Variants in L3MBTL4 observed in about 807,000 individuals in gnomAD.
L3MBTL4 encodes the protein L3MBTL histone methyl-lysine binding protein 4, also known as lethal(3)malignant brain tumor-like protein 4.
A neutral mutation model predicts 84.5 loss-of-function variants in L3MBTL4; 70 were observed. The observed-to-expected ratio is 0.83, with a 90% CI of 0.68 to 1.01. The LOEUF is 1.01. Among genes scored for constraint, L3MBTL4 ranks in the 50% least tolerant of loss-of-function variants. L3MBTL4 has a pLI of 0.00. For synonymous variants in L3MBTL4, 274 were observed against 259.8 expected, an observed-to-expected ratio of 1.05 and a Z score of -0.52; for missense variants, 715 against 754.8, an observed-to-expected ratio of 0.95 and a Z score of 0.62.
At chr18:5,996,311 A>C (rs1275231095) in intron 16 of L3MBTL4, among the ~76,000 whole-genome samples, 2 of 152,198 alleles carry the variant, frequency 1.3e-5, no homozygotes, top group African/African-American at 4.8e-5. Flanking sequence ...TCTGTTTAGC[A>C]ATAACTCCAA....
chr18:6,352,652 C>T (rs2053250535), intron 1 of L3MBTL4, among the ~76,000 whole-genome samples: 1 of 152,218 alleles, frequency 6.6e-6, no homozygotes, highest in Admixed American at 6.5e-5. Context: ...TGCAACCACA[C>T]TACCCTGAAG....
intron 12 of L3MBTL4, among the ~76,000 whole-genome samples, chr18:6,202,015 T>A (rs2045668978): frequency 6.6e-6 from 1 of 152,224 alleles, no homozygotes. Flanking sequence ...GTAAACAGAC[T>A]GTAACCTACT....
intron 14 of L3MBTL4, among the ~76,000 whole-genome samples, chr18:6,135,738 T>A (rs1422188920): frequency 6.6e-6 from 1 of 152,242 alleles, no homozygotes; most frequent in Non-Finnish European, 1.5e-5. Flanking sequence ...ACTCGACAAG[T>A]CTCTGGGAGG....
rs367700577 is a variant in L3MBTL4, at chr18:6,269,921, T to A, written c.128-5883A>T. Among the ~76,000 whole-genome samples, 46 of 152,334 alleles carry A rather than the reference T, an allele frequency of 3.0e-4. No homozygotes were observed. The South Asian group carries it at 3.5e-3, about 12-fold the overall frequency. On this transcript the variant is annotated intron_variant, in intron 4 of 18. Transcript: ENST00000317931. ...AAATGCAAATGGCAGGGGTAAAGAA[T>A]GAATCAACTGTCATTCTTAAGGATA... is the stretch of plus-strand genomic sequence containing the variant.
chr18:6,375,934 G>A (rs934677234), intron 1 of L3MBTL4, among the ~76,000 whole-genome samples: 2 of 152,170 alleles, frequency 1.3e-5, no homozygotes, highest in East Asian at 3.9e-4. Flanking sequence ...CTAAAAACAT[G>A]AGGTGTCCCA....
chr18:6,293,989 G>A (rs1051474303), intron 4 of L3MBTL4, among the ~76,000 whole-genome samples: 1 of 152,206 alleles, frequency 6.6e-6, no homozygotes, highest in Non-Finnish European at 1.5e-5. Context: ...AGTAACTGGT[G>A]AAACTTGAAA....
chr18:6,340,265 G>C (rs2052544350), intron 1 of L3MBTL4, among the ~76,000 whole-genome samples: 1 of 152,124 alleles, frequency 6.6e-6, no homozygotes, highest in Non-Finnish European at 1.5e-5. Context: ...AAATAACTTT[G>C]TGAGAACCCC....
chr18:6,072,660 G>A (rs970572589), intron 16 of L3MBTL4, among the ~76,000 whole-genome samples: 7 of 148,218 alleles, frequency 4.7e-5, no homozygotes, highest in East Asian at 2.0e-4. Context: ...CTAACACAGT[G>A]AAACCCTGTC....
intron 12 of L3MBTL4, among the ~76,000 whole-genome samples, chr18:6,206,181 G>A (rs1280437896): frequency 2.6e-5 from 4 of 152,150 alleles, no homozygotes; most frequent in Non-Finnish European, 5.9e-5. Context: ...TTACTCAAAG[G>A]TCCATTAACC....
At chr18:6,386,782 C>A (rs2054839146) in intron 1 of L3MBTL4, among the ~76,000 whole-genome samples, 1 of 152,044 alleles carries the variant, frequency 6.6e-6, no homozygotes, top group South Asian at 2.1e-4. Flanking sequence ...AGAGATGAGA[C>A]CAGAAAGGCA....
intron 16 of L3MBTL4, among the ~76,000 whole-genome samples, chr18:6,010,822 A>G (rs904768112): frequency 1.3e-5 from 2 of 152,194 alleles, no homozygotes; most frequent in Non-Finnish European, 2.9e-5. Context: ...GTTTATACCT[A>G]ACCAGCCCTC....
intron 14 of L3MBTL4, among the ~76,000 whole-genome samples, chr18:6,107,297 G>A (rs2059042541): frequency 1.3e-5 from 2 of 152,146 alleles, no homozygotes; most frequent in Admixed American, 1.3e-4. Context: ...GGGTGGGCCT[G>A]GGAAGGACCC....
chr18:6,080,828 A>T, intron 16 of L3MBTL4, 53 bp downstream of exon 16: 1 of 1,301,700 alleles, frequency 7.7e-7, no homozygotes, highest in Non-Finnish European at 1.1e-6. Context: ...CAAATAAGAC[A>T]TTCTGCACAA....
chr18:6,050,775 G>A (rs1049232712), intron 16 of L3MBTL4, among the ~76,000 whole-genome samples: 15 of 152,156 alleles, frequency 9.9e-5, no homozygotes, highest in African/African-American at 3.6e-4. Flanking sequence ...GGGAGACAAA[G>A]CTAAGGGGGG....
At chr18:6,096,200 G>T (rs1433767550) in intron 14 of L3MBTL4, among the ~76,000 whole-genome samples, 1 of 152,046 alleles carries the variant, frequency 6.6e-6, no homozygotes, top group Non-Finnish European at 1.5e-5. Context: ...CCTCCACAGT[G>T]AGCTGTTATA....
intron 1 of L3MBTL4, among the ~76,000 whole-genome samples, chr18:6,355,936 G>C (rs532296193): frequency 6.6e-6 from 1 of 152,166 alleles, no homozygotes; most frequent in South Asian, 2.1e-4. Flanking sequence ...ATCCCCAGCA[G>C]GGTTGGTCAC....
At chr18:6,356,975 T>A (rs534518783) in intron 1 of L3MBTL4, among the ~76,000 whole-genome samples, 1 of 152,314 alleles carries the variant, frequency 6.6e-6, no homozygotes, top group South Asian at 2.1e-4. Context: ...CTGCCCACTG[T>A]CACTGGGTGA....
At chr18:6,136,095 G>A (rs1223504808) in intron 14 of L3MBTL4, among the ~76,000 whole-genome samples, 1 of 152,228 alleles carries the variant, frequency 6.6e-6, no homozygotes, top group Non-Finnish European at 1.5e-5. Flanking sequence ...ATCAGATCTT[G>A]TGAGACTTAT....
intron 16 of L3MBTL4, among the ~76,000 whole-genome samples, chr18:6,043,871 C>T (rs912334889): frequency 6.6e-6 from 1 of 152,166 alleles, no homozygotes; most frequent in African/African-American, 2.4e-5. Context: ...CTTTTTAAAT[C>T]TCACTTCTCA....
Sources: gnomAD v4.1 joint callset for allele counts (sites outside exome capture counted in the v4.1 genomes callset) on GRCh38, gnomAD v4.1.1 for gene constraint, MANE v1.5 for transcripts, NCBI Gene and HGNC (gene_info 2026-07-23, HGNC 2026-07-21) for gene names.